LRRTM4: variants seen among roughly 807,000 people sequenced by gnomAD.
LRRTM4 encodes leucine rich repeat transmembrane neuronal 4.
In LRRTM4, 25 loss-of-function variants were observed where a neutral mutation model predicts 47.6. That is an observed-to-expected ratio of 0.53 (90% CI 0.38 to 0.73). The LOEUF is 0.73. Ranked by LOEUF, LRRTM4 falls within the 30% of genes least tolerant of loss-of-function variation. LRRTM4 has a pLI of 0.00. For synonymous variants in LRRTM4, 311 were observed against 269.5 expected (o/e 1.15, Z -1.51); for missense variants, 638 against 713.4 (o/e 0.89, Z 1.20).
At chr2:77,073,546 T>G (rs1226825083) in intron 3 of LRRTM4, among the ~76,000 whole-genome samples, 2 of 152,160 alleles carry the variant, frequency 1.3e-5, no homozygotes, top group Non-Finnish European at 2.9e-5. Context: ...ATTAGCATTT[T>G]TTATTATGAA....
intron 3 of LRRTM4, among the ~76,000 whole-genome samples, chr2:77,000,200 C>G (rs1677364996): frequency 1.3e-5 from 2 of 151,942 alleles, no homozygotes; most frequent in African/African-American, 4.8e-5. Flanking sequence ...TGTGAATGAG[C>G]CTGTGGGGAC....
chr2:76,903,036 T>C (rs114797161), intron 3 of LRRTM4, among the ~76,000 whole-genome samples: 1,655 of 152,264 alleles, frequency 0.011, 36 homozygotes, highest in African/African-American at 0.038. Flanking sequence ...CATTAATATA[T>C]GTTGAACTGT....
intron 3 of LRRTM4, among the ~76,000 whole-genome samples, chr2:76,767,646 C>G (rs138534752): frequency 6.6e-6 from 1 of 152,282 alleles, no homozygotes; most frequent in East Asian, 1.9e-4. Context: ...CAAGGCAAGT[C>G]TTGATGGCAA....
chr2:77,300,663 T>C (rs1397976242), intron 3 of LRRTM4, among the ~76,000 whole-genome samples: 6 of 152,192 alleles, frequency 3.9e-5, no homozygotes, highest in African/African-American at 9.6e-5. Context: ...CATATCTTCA[T>C]GTATTGATTA....
chr2:77,044,321 G>C (rs1342219456), intron 3 of LRRTM4, among the ~76,000 whole-genome samples: 1 of 151,610 alleles, frequency 6.6e-6, no homozygotes, highest in Non-Finnish European at 1.5e-5. Flanking sequence ...AAGATTATCT[G>C]TCAAATATGG....
intron 3 of LRRTM4, among the ~76,000 whole-genome samples, chr2:77,350,332 CAAAAAAAAAAAAAAAAAAAAAAAAA>C: frequency 2.6e-5 from 1 of 39,186 alleles, no homozygotes; most frequent in East Asian, 1.3e-3. Flanking sequence ...GACTCCGTCT[CAAAAAAAAAAAAAAAAAAAAAAAAA>C]AAAAAAGAAA....
intron 3 of LRRTM4, among the ~76,000 whole-genome samples, chr2:77,111,490 C>T (rs376453340): frequency 1.4e-4 from 21 of 151,856 alleles, no homozygotes; most frequent in African/African-American, 3.9e-4. Context: ...AACCAAAGTG[C>T]GAAAATATTA....
At chr2:76,865,081 A>G (rs1230065452) in intron 3 of LRRTM4, among the ~76,000 whole-genome samples, 2 of 151,742 alleles carry the variant, frequency 1.3e-5, no homozygotes, top group Non-Finnish European at 2.9e-5. Flanking sequence ...CCCCACCTCA[A>G]TTTCTGTCTG....
intron 3 of LRRTM4, among the ~76,000 whole-genome samples, chr2:76,847,341 A>T (rs768284550): frequency 9.2e-5 from 14 of 152,268 alleles, no homozygotes; most frequent in Admixed American, 4.6e-4. Flanking sequence ...AATAATTATG[A>T]TTATAGTATT....
chr2:77,034,624 T>C (rs1396262727), intron 3 of LRRTM4, among the ~76,000 whole-genome samples: 3 of 151,914 alleles, frequency 2.0e-5, no homozygotes, highest in African/African-American at 7.2e-5. Context: ...TATTCCTTTG[T>C]CTCCTGTATT....
intron 3 of LRRTM4, among the ~76,000 whole-genome samples, chr2:77,449,106 T>C (rs891455390): frequency 1.2e-4 from 19 of 152,206 alleles, no homozygotes; most frequent in Admixed American, 1.2e-3. Flanking sequence ...ATCCATTCCC[T>C]GTCATTGGAT....
chr2:77,172,158 T>TA (rs1232371895), intron 3 of LRRTM4, among the ~76,000 whole-genome samples: 7 of 152,164 alleles, frequency 4.6e-5, no homozygotes, highest in Admixed American at 3.3e-4. Flanking sequence ...GCCATAAATA[T>TA]AAGAGATTCT....
chr2:77,353,473 A>G (rs1671858816), intron 3 of LRRTM4, among the ~76,000 whole-genome samples: 1 of 152,102 alleles, frequency 6.6e-6, no homozygotes, highest in Non-Finnish European at 1.5e-5. Context: ...AAAATCTATT[A>G]CCTATTATTA....
intron 3 of LRRTM4, among the ~76,000 whole-genome samples, chr2:77,437,309 G>A (rs1288742726): frequency 6.6e-6 from 1 of 151,970 alleles, no homozygotes; most frequent in East Asian, 1.9e-4. Context: ...AATATGCTTT[G>A]CATTTCACAA....
intron 3 of LRRTM4, among the ~76,000 whole-genome samples, chr2:77,415,564 G>T (rs893691768): frequency 6.6e-6 from 1 of 152,080 alleles, no homozygotes; most frequent in Non-Finnish European, 1.5e-5. Flanking sequence ...GGAAACTTTT[G>T]CACATACTGT....
intron 3 of LRRTM4, 54 bp downstream of exon 3, chr2:77,518,263 AT>A (rs1558780640): frequency 6.7e-7 from 1 of 1,481,540 alleles, no homozygotes; most frequent in East Asian, 2.4e-5. Context: ...GGCTTCAAAC[AT>A]TTACCTCTCC....
chr2:77,221,434 C>G (rs914376205), intron 3 of LRRTM4, among the ~76,000 whole-genome samples: 1 of 151,924 alleles, frequency 6.6e-6, no homozygotes, highest in East Asian at 1.9e-4. Context: ...AGTCAAGACC[C>G]ATCAGTGTGC....
At chr2:77,064,737 A>AT (rs1679899235) in intron 3 of LRRTM4, among the ~76,000 whole-genome samples, 2 of 152,104 alleles carry the variant, frequency 1.3e-5, no homozygotes, top group East Asian at 3.9e-4. Flanking sequence ...TAAGAAATTT[A>AT]TTTCCATAAA....
intron 3 of LRRTM4, among the ~76,000 whole-genome samples, chr2:77,329,523 T>A (rs1185454465): frequency 6.6e-6 from 1 of 152,062 alleles, no homozygotes; most frequent in Non-Finnish European, 1.5e-5. Flanking sequence ...AAATCTAGAG[T>A]ATGCTGAACA....
Sources: allele counts gnomAD v4.1 joint callset (sites outside exome capture counted in the v4.1 genomes callset), GRCh38; gene constraint gnomAD v4.1.1; transcripts MANE v1.5; gene names NCBI Gene and HGNC (gene_info 2026-07-23, HGNC 2026-07-21).